The following WNT16 variants were observed in gnomAD, a reference collection of about 807,000 sequenced individuals.
The protein encoded by WNT16 is Wnt family member 16.
Under a neutral mutation model 35.4 loss-of-function variants are expected in WNT16, and 20 were observed. The observed-to-expected ratio is 0.56, with a 90% CI of 0.40 to 0.82. The LOEUF (loss-of-function observed/expected upper bound fraction) is 0.82. Ranked by LOEUF, WNT16 falls within the 40% of genes least tolerant of loss-of-function variation. WNT16 has a pLI of 0.00. For synonymous variants in WNT16, 180 were observed against 179.2 expected, an observed-to-expected ratio of 1.00 and a Z score of -0.03; for missense variants, 461 against 466.0, an observed-to-expected ratio of 0.99 and a Z score of 0.10.
At chr7:121,325,636 G>GA (rs1202758674), upstream of WNT16, among the ~76,000 whole-genome samples, 2 of 150,772 alleles carry the variant, frequency 1.3e-5, no homozygotes, top group East Asian at 3.9e-4. Context: ...TTTGATCAGG[G>GA]AAAAAAAATT....
chr7:121,339,324 T>C lies in WNT16; in HGVS notation c.1077T>C (p.Thr359=). 6.2e-7 allele frequency: 1 copy of C among 1,612,904 alleles called. No homozygotes were observed. Among genetic ancestry groups the C allele is most frequent in the Non-Finnish European group, 8.5e-7 (1 of 1,179,652 alleles). The stretch of plus-strand genomic sequence containing the variant: ...GTTGCAGGAGGTGTGAAAGCATGAC[T>C]GATGTCCACACTTGCAAGTAACCAC... ...YVRCRRCESM[T]DVHTCK The change falls in exon 4 of 4, where the codon ACT becomes ACC. Residue 359 remains threonine (T), a synonymous_variant. Coordinates refer to ENST00000222462, the MANE Select transcript of WNT16 (RefSeq NM_057168.2).
At chr7:121,336,030 G>A (rs1187759711) in intron 3 of WNT16, among the ~76,000 whole-genome samples, 3 of 135,690 alleles carry the variant, frequency 2.2e-5, no homozygotes, top group African/African-American at 8.0e-5. Flanking sequence ...GTGTGTGTGT[G>A]TATCTGTCCT....
In WNT16 at chr7:121,339,912, A is replaced by G. The variant is rs930972236; in HGVS notation, c.*567A>G. 2.6e-5 allele frequency: 4 copies of G among 155,294 alleles called. No individual in the cohort carries two copies. Among genetic ancestry groups the G allele is most frequent in the South Asian group, 2.1e-4 (1 of 4,870 alleles). The allele number at this position is 155,294 out of a possible 1,614,324, so 9.6% of individuals were successfully genotyped here. A position where few individuals can be genotyped will look rare whatever the true frequency, so the allele number is the denominator to read the frequency against. ...CTTACCCTTTCATGTACTTCCAAAG[A>G]AAGGTAATCAAAAAGAATCTTCTTA... On this transcript the variant is annotated 3_prime_UTR_variant, in exon 4 of 4. Transcript: ENST00000222462.
intron 2 of WNT16, 101 bp from the exon 3 acceptor site, chr7:121,331,575 CTG>C: frequency 9.2e-7 from 1 of 1,086,458 alleles, no homozygotes; most frequent in South Asian, 1.6e-5. Flanking sequence ...TTGTAAGCAA[CTG>C]AAAAATTACT....
At chr7:121,329,520 C>T (rs1487476735) in intron 1 of WNT16, 47 bp from the exon 2 acceptor site, 1 of 1,604,906 alleles carries the variant, frequency 6.2e-7, no homozygotes, top group South Asian at 1.1e-5. Flanking sequence ...CGGAAAACAT[C>T]TGGAATTGGG....
chr7:121,326,376 C>A (rs1183698684), upstream of WNT16, among the ~76,000 whole-genome samples: 1 of 152,176 alleles, frequency 6.6e-6, no homozygotes, highest in Non-Finnish European at 1.5e-5. Flanking sequence ...GAGATATGGA[C>A]AGAATGACCC....
upstream of WNT16, among the ~76,000 whole-genome samples, chr7:121,326,025 T>G (rs576194347): frequency 9.4e-6 from 1 of 106,162 alleles, no homozygotes; most frequent in South Asian, 2.9e-4. Context: ...GGCAATAGAA[T>G]GATACCTCAT....
chr7:121,331,567 G>C, intron 2 of WNT16, 111 bp from the exon 3 acceptor site: 1 of 962,202 alleles, frequency 1.0e-6, no homozygotes, highest in Non-Finnish European at 1.5e-6. Context: ...CGCATCCATT[G>C]TAAGCAACTG....
In WNT16 at chr7:121,329,084, G is replaced by A; in HGVS notation, c.-209G>A. On this transcript the variant is annotated 5_prime_UTR_variant, in exon 1 of 4. Transcript: ENST00000222462. ...CCCCTGCGCAGGAGGAGATCCCCAGGCTGCTCTCTCCATCTCTCCTACAGC... is the reference window on the plus strand; with the variant it reads ...CCCCTGCGCAGGAGGAGATCCCCAGACTGCTCTCTCCATCTCTCCTACAGC... The A allele has an allele frequency of 7.7e-7, 1 of 1,305,904 alleles. No individual in the cohort carries two copies. The highest frequency in any genetic ancestry group is 9.7e-7 in the Non-Finnish European group (1 of 1,028,284). 80.9% of individuals were successfully genotyped at this position (1,305,904 alleles called of 1,614,324 possible).
chr7:121,339,409 T>C lies in WNT16; in HGVS notation c.*64T>C. ...TACAATGGCATTGCAACCAGAGAGGTGCCCATCCCTGTGCAGCGCTAGTAA... is the reference window on the plus strand; with the variant it reads ...TACAATGGCATTGCAACCAGAGAGGCGCCCATCCCTGTGCAGCGCTAGTAA... On this transcript the variant is annotated 3_prime_UTR_variant, in exon 4 of 4. Coordinates refer to ENST00000222462, the MANE Select transcript of WNT16 (RefSeq NM_057168.2). 6.9e-7 allele frequency: 1 copy of C among 1,457,504 alleles called. No homozygotes were observed. The highest frequency in any genetic ancestry group is 9.3e-7 in the Non-Finnish European group (1 of 1,071,008). The allele number at this position is 1,457,504 out of a possible 1,614,324, so 90.3% of individuals were successfully genotyped here.
chr7:121,331,371 T>C lies in WNT16; in HGVS notation c.347-307T>C, dbSNP rs1054661945. Among the ~76,000 whole-genome samples the C allele has an allele frequency of 3.9e-5, 6 of 152,216 alleles. No individual in the cohort carries two copies. The East Asian group carries it at 1.2e-3, about 29-fold the overall frequency. ...ATTACTGAGCTATGACTGTCAACTG[T>C]GCACTGAACTGGGTGCAAACATACA... On this transcript the variant is annotated intron_variant, in intron 2 of 3. Coordinates refer to ENST00000222462, the MANE Select transcript of WNT16 (RefSeq NM_057168.2).
chr7:121,329,892 A>C (rs1256580361), intron 2 of WNT16, 75 bp downstream of exon 2: 1 of 1,559,300 alleles, frequency 6.4e-7, no homozygotes, highest in African/African-American at 1.4e-5. Flanking sequence ...CAAATAAAGT[A>C]AATAGTGCTA....
chr7:121,330,714 GAAAAAAAA>G (rs11371537), intron 2 of WNT16, among the ~76,000 whole-genome samples: 33 of 88,186 alleles, frequency 3.7e-4, no homozygotes, highest in South Asian at 1.4e-3. Context: ...CCCGTAGAGA[GAAAAAAAA>G]AAAAAAAAAA....
Position 121,329,555 on chromosome 7 carries a change from C to G in WNT16, c.96-12C>G. 6.2e-7 allele frequency: 1 copy of G among 1,612,482 alleles called. No homozygotes were observed. Among genetic ancestry groups the G allele is most frequent in the South Asian group, 1.1e-5 (1 of 91,038 alleles). Reference sequence around the variant, plus strand: ...GGAGCGGCTTAACGCTACGGGCGGCCGTGTCTTACAGGTGGTTGGGCATTG... The same window carrying G: ...GGAGCGGCTTAACGCTACGGGCGGCGGTGTCTTACAGGTGGTTGGGCATTG... On this transcript the variant is annotated splice_polypyrimidine_tract_variant and intron_variant, in intron 1 of 3. Coordinates refer to ENST00000222462, the MANE Select transcript of WNT16 (RefSeq NM_057168.2).
chr7:121,338,463 G>T (rs1793474479), intron 3 of WNT16, among the ~76,000 whole-genome samples: 1 of 152,192 alleles, frequency 6.6e-6, no homozygotes, highest in African/African-American at 2.4e-5. Context: ...TGATGCTGGT[G>T]TTGCTGGTCC....
In WNT16 at chr7:121,329,634, C is replaced by A; in HGVS notation, c.163C>A (p.Arg55Ser). Residue 55 changes from arginine to serine, a missense_variant, in exon 2 of 4, where the codon CGC becomes AGC. Arg to Ser is a moderately radical substitution (Grantham distance 110). Transcript: ENST00000222462. ...LGCANLPLNS[R>S]QKELCKRKPY... ...CTGCGCCAATTTGCCGCTGAACAGCCGCCAGAAGGAGCTGTGCAAGAGGAA... is the reference window on the plus strand; with the variant it reads ...CTGCGCCAATTTGCCGCTGAACAGCAGCCAGAAGGAGCTGTGCAAGAGGAA... The A allele has an allele frequency of 6.2e-7, 1 of 1,614,212 alleles. No homozygotes were observed. Among genetic ancestry groups the A allele is most frequent in the Non-Finnish European group, 8.5e-7 (1 of 1,180,036 alleles).
At position 121,339,150 on chromosome 7, in the gene WNT16, A is replaced by G; in HGVS notation, c.903A>G (p.Gly301=). 1 of 1,614,216 alleles carries G rather than the reference A, an allele frequency of 6.2e-7. No homozygotes were observed. Among genetic ancestry groups the G allele is most frequent in the Non-Finnish European group, 8.5e-7 (1 of 1,180,030 alleles). The part of the protein sequence containing the change: ...PNYCVEDKKL[G]IPGTQGRECN... Reference sequence around the variant, plus strand: ...ACTGTGTAGAAGATAAGAAACTGGGAATCCCAGGGACACAAGGCAGAGAAT... The same window carrying G: ...ACTGTGTAGAAGATAAGAAACTGGGGATCCCAGGGACACAAGGCAGAGAAT... The change falls in exon 4 of 4, where the codon GGA becomes GGG. Residue 301 remains glycine (G), a synonymous_variant. Transcript: ENST00000222462.
At chr7:121,337,884 T>C (rs893225507) in intron 3 of WNT16, among the ~76,000 whole-genome samples, 8 of 152,208 alleles carry the variant, frequency 5.3e-5, no homozygotes, top group Non-Finnish European at 1.2e-4. Context: ...GCACTTAGAA[T>C]TGAAAAAATT....
chr7:121,326,515 A>G (rs1434848220), upstream of WNT16, among the ~76,000 whole-genome samples: 2 of 152,166 alleles, frequency 1.3e-5, no homozygotes, highest in Non-Finnish European at 2.9e-5. Flanking sequence ...TGCACCCCAA[A>G]GGCTTTATCT....
Sources: gnomAD v4.1 joint callset for allele counts (sites outside exome capture counted in the v4.1 genomes callset) on GRCh38, gnomAD v4.1.1 for gene constraint, MANE v1.5 for transcripts, NCBI Gene and HGNC (gene_info 2026-07-23, HGNC 2026-07-21) for gene names.